WWOX: variants seen among roughly 807,000 people sequenced by gnomAD.
WWOX encodes the protein WW domain-containing oxidoreductase.
Under a neutral mutation model 46.2 loss-of-function variants are expected in WWOX, and 69 were observed. That is an observed-to-expected ratio of 1.49 (90% CI 1.23 to 1.82). The LOEUF (loss-of-function observed/expected upper bound fraction) is 1.82, where lower values mean the gene tolerates loss of function less well. Ranked by LOEUF, WWOX falls within the 40% of genes most tolerant of loss-of-function variation. The pLI is 0.00. For missense variants in WWOX, 919 were observed against 542.6 expected, an observed-to-expected ratio of 1.69 and a Z score of -6.89; for synonymous variants, 359 against 202.6, an observed-to-expected ratio of 1.77 and a Z score of -6.56.
At chr16:78,911,977 C>G (rs527671105) in intron 8 of WWOX, among the ~76,000 whole-genome samples, 3 of 152,142 alleles carry the variant, frequency 2.0e-5, no homozygotes, top group Non-Finnish European at 2.9e-5. Flanking sequence ...AACAGGCAGA[C>G]TGGTCTGTGA....
At chr16:78,624,104 T>TATGATTTCC (rs2151648405) in intron 8 of WWOX, among the ~76,000 whole-genome samples, 1 of 152,338 alleles carries the variant, frequency 6.6e-6, no homozygotes, top group East Asian at 1.9e-4. Flanking sequence ...TAACAGGTCA[T>TATGATTTCC]ATGATTTCCA....
chr16:78,380,651 G>A (rs2081934984), intron 5 of WWOX, among the ~76,000 whole-genome samples: 1 of 152,124 alleles, frequency 6.6e-6, no homozygotes, highest in South Asian at 2.1e-4. Context: ...AGGATCTAGA[G>A]TTATGAACTA....
intron 8 of WWOX, among the ~76,000 whole-genome samples, chr16:78,625,203 G>C (rs2046284460): frequency 6.6e-6 from 1 of 152,188 alleles, no homozygotes; most frequent in African/African-American, 2.4e-5. Flanking sequence ...GAGGACAGCT[G>C]CAGTTCTGCG....
At chr16:78,348,324 T>C (rs374103922) in intron 5 of WWOX, among the ~76,000 whole-genome samples, 6 of 121,386 alleles carry the variant, frequency 4.9e-5, no homozygotes, top group East Asian at 1.9e-4. Context: ...ATGTCACTTA[T>C]ATCCAGGAAA....
chr16:78,493,938 T>C (rs960651206), intron 8 of WWOX, among the ~76,000 whole-genome samples: 1 of 152,180 alleles, frequency 6.6e-6, no homozygotes, highest in East Asian at 1.9e-4. Flanking sequence ...TTTATAATAA[T>C]TGGAAAGTGT....
At chr16:78,339,743 A>T (rs1289896219) in intron 5 of WWOX, among the ~76,000 whole-genome samples, 1 of 117,204 alleles carries the variant, frequency 8.5e-6, no homozygotes, top group African/African-American at 2.9e-5. Context: ...TTTAAATTCT[A>T]TTTTGTGGCT....
At chr16:78,683,512 C>A (rs1328915789) in intron 8 of WWOX, among the ~76,000 whole-genome samples, 1 of 151,436 alleles carries the variant, frequency 6.6e-6, no homozygotes, top group Admixed American at 6.6e-5. Context: ...TGCACTCCAG[C>A]CTGGCTGACA....
intron 8 of WWOX, among the ~76,000 whole-genome samples, chr16:79,011,580 C>A (rs1013228770): frequency 8.6e-5 from 13 of 151,750 alleles, no homozygotes; most frequent in Non-Finnish European, 1.3e-4. Context: ...CAGCCTCAGC[C>A]TCCCTGGGCT....
At chr16:78,922,664 C>T (rs2045406441) in intron 8 of WWOX, among the ~76,000 whole-genome samples, 1 of 152,172 alleles carries the variant, frequency 6.6e-6, no homozygotes, top group South Asian at 2.1e-4. Context: ...CAGGCGTGAG[C>T]CACGACCACC....
intron 8 of WWOX, among the ~76,000 whole-genome samples, chr16:79,069,274 C>G (rs1218083722): frequency 2.0e-5 from 3 of 152,174 alleles, no homozygotes; most frequent in African/African-American, 7.2e-5. Flanking sequence ...GTTGCCAGTT[C>G]TCTTACGCAC....
At chr16:78,225,732 A>T (rs1251367493) in intron 5 of WWOX, among the ~76,000 whole-genome samples, 6 of 152,202 alleles carry the variant, frequency 3.9e-5, no homozygotes, top group African/African-American at 7.2e-5. Context: ...ACCTGGGCTA[A>T]TTAAGAAAAC....
intron 8 of WWOX, among the ~76,000 whole-genome samples, chr16:78,959,186 C>T (rs150015726): frequency 2.6e-5 from 4 of 152,294 alleles, no homozygotes; most frequent in Non-Finnish European, 4.4e-5. Flanking sequence ...GCCATCTCTA[C>T]GTCAAGGTTC....
At position 79,129,773 on chromosome 16, in the gene WWOX, A is replaced by C. The variant is rs7197121; in HGVS notation, c.1057-81835A>C. On this transcript the variant is annotated intron_variant, in intron 8 of 8. Transcript: ENST00000566780. ...ATCCATGCATTGAATTATCTAGCTCATTCAAAGACAGTCACAGTCCATCCC... is the reference window on the plus strand; with the variant it reads ...ATCCATGCATTGAATTATCTAGCTCCTTCAAAGACAGTCACAGTCCATCCC... Among the ~76,000 whole-genome samples the C allele has an allele frequency of 1.5e-3, 222 of 152,132 alleles. 1 individual carries two copies. The highest frequency in any genetic ancestry group is 4.9e-3 in the African/African-American group (202 of 41,494).
intron 8 of WWOX, among the ~76,000 whole-genome samples, chr16:78,805,360 A>G (rs1420191317): frequency 1.3e-5 from 2 of 151,908 alleles, no homozygotes; most frequent in Non-Finnish European, 2.9e-5. Context: ...TCCCGGGTTC[A>G]TGCCATTCTC....
chr16:78,658,965 G>T (rs2047145529), intron 8 of WWOX, among the ~76,000 whole-genome samples: 1 of 118,494 alleles, frequency 8.4e-6, no homozygotes, highest in African/African-American at 3.1e-5. Context: ...GGTGGTGCGT[G>T]CCTGTAGTCC....
At chr16:78,384,894 C>G (rs548583822) in intron 5 of WWOX, among the ~76,000 whole-genome samples, 7 of 151,926 alleles carry the variant, frequency 4.6e-5, no homozygotes, top group African/African-American at 1.7e-4. Flanking sequence ...CTAGCACTTT[C>G]GGAGGCCGGG....
At chr16:79,150,472 A>C (rs140265592) in intron 8 of WWOX, among the ~76,000 whole-genome samples, 1 of 152,154 alleles carries the variant, frequency 6.6e-6, no homozygotes, top group Non-Finnish European at 1.5e-5. Context: ...TGCTAAATCT[A>C]TGTCCCCAAT....
intron 8 of WWOX, among the ~76,000 whole-genome samples, chr16:78,536,615 A>C (rs1311502685): frequency 1.3e-5 from 2 of 152,120 alleles, no homozygotes; most frequent in Admixed American, 1.3e-4. Context: ...ATTAAGTGTC[A>C]ACATTGAATC....
intron 8 of WWOX, chr16:78,892,035 A>AG (rs2044601810): frequency 1.3e-5 from 2 of 152,154 alleles, no homozygotes; most frequent in African/African-American, 2.4e-5. Flanking sequence ...CCTATAATAA[A>AG]GTAAAAAGTG....
Sources: allele counts gnomAD v4.1 joint callset (sites outside exome capture counted in the v4.1 genomes callset), GRCh38; gene constraint gnomAD v4.1.1; transcripts MANE v1.5; gene names NCBI Gene and HGNC (gene_info 2026-07-23, HGNC 2026-07-21).